Variants in CNTN5 observed in about 807,000 individuals in gnomAD.
CNTN5 encodes contactin-5.
A neutral mutation model predicts 129.1 loss-of-function variants in CNTN5; 77 were observed. That is an observed-to-expected ratio of 0.60 (90% confidence interval 0.50 to 0.72). The LOEUF is 0.72. Among genes scored for constraint, CNTN5 ranks in the 30% least tolerant of loss-of-function variants. The probability of loss-of-function intolerance (pLI) is 0.00; values close to 1 mark genes in which losing one functional copy is unlikely to be tolerated. For missense variants in CNTN5, 1,478 were observed against 1,328.8 expected (o/e 1.11, Z -1.75); for synonymous variants, 509 against 465.6 (o/e 1.09, Z -1.20).
chr11:99,237,644 G>C (rs1861346372), intron 1 of CNTN5, among the ~76,000 whole-genome samples: 1 of 151,430 alleles, frequency 6.6e-6, no homozygotes, highest in Admixed American at 6.6e-5. Flanking sequence ...TCGTGCCACC[G>C]CACCCCAGCC....
intron 3 of CNTN5, among the ~76,000 whole-genome samples, chr11:99,618,890 G>GTTT (rs1950841983): frequency 6.6e-6 from 1 of 151,994 alleles, no homozygotes; most frequent in East Asian, 1.9e-4. Context: ...AATTTAAAGA[G>GTTT]AATATCTAGG....
intron 15 of CNTN5, among the ~76,000 whole-genome samples, chr11:100,195,204 CT>C (rs1948605067): frequency 6.6e-6 from 1 of 151,900 alleles, no homozygotes; most frequent in Admixed American, 6.6e-5. Flanking sequence ...AAAATATCTT[CT>C]TAGGATTGTC....
At position 99,699,808 on chromosome 11, in the gene CNTN5, T is replaced by C. The variant is rs532282495; in HGVS notation, c.56-119736T>C. The stretch of plus-strand genomic sequence containing the variant: ...CCTTTTCTCTTATTCCTGTGGCCTT[T>C]ATTTATAAATCTAGCTACTTTATTT... On this transcript the variant is annotated intron_variant, in intron 3 of 24. Coordinates refer to ENST00000524871, the MANE Select transcript of CNTN5 (RefSeq NM_014361.4). Among the ~76,000 whole-genome samples the C allele has an allele frequency of 7.3e-5, 11 of 151,564 alleles. No homozygotes were observed. The South Asian group carries it at 1.9e-3, about 26-fold the overall frequency.
intron 16 of CNTN5, among the ~76,000 whole-genome samples, chr11:100,248,891 T>C: frequency 6.6e-6 from 1 of 152,154 alleles, no homozygotes; most frequent in Non-Finnish European, 1.5e-5. Context: ...AATACACAAC[T>C]TTCTGTTTGT....
At chr11:99,497,250 A>G (rs949007401) in intron 2 of CNTN5, among the ~76,000 whole-genome samples, 3 of 152,236 alleles carry the variant, frequency 2.0e-5, no homozygotes, top group Non-Finnish European at 4.4e-5. Context: ...CAGGTTATTT[A>G]GTAAACCCGT....
chr11:100,110,113 G>A (rs1239828502), intron 13 of CNTN5, among the ~76,000 whole-genome samples: 2 of 151,672 alleles, frequency 1.3e-5, no homozygotes, highest in Non-Finnish European at 2.9e-5. Context: ...CTTGAGCCCA[G>A]TGGGTGGAGG....
intron 1 of CNTN5, among the ~76,000 whole-genome samples, chr11:99,057,002 G>A (rs1221000476): frequency 2.0e-5 from 3 of 151,918 alleles, no homozygotes; most frequent in Non-Finnish European, 2.9e-5. Flanking sequence ...TGGAATACAA[G>A]GTAAATTATG....
chr11:99,365,678 A>C (rs1399137096), intron 2 of CNTN5, among the ~76,000 whole-genome samples: 1 of 152,182 alleles, frequency 6.6e-6, no homozygotes, highest in Non-Finnish European at 1.5e-5. Flanking sequence ...CAGTAACTTT[A>C]ACTTCTTAAG....
intron 3 of CNTN5, among the ~76,000 whole-genome samples, chr11:99,595,614 G>A (rs1950102164): frequency 6.6e-6 from 1 of 152,062 alleles, no homozygotes; most frequent in Non-Finnish European, 1.5e-5. Context: ...AAGCCATAAA[G>A]CACACAGTTT....
chr11:99,659,524 A>C (rs1239586305), intron 3 of CNTN5, among the ~76,000 whole-genome samples: 2 of 152,196 alleles, frequency 1.3e-5, no homozygotes, highest in African/African-American at 4.8e-5. Flanking sequence ...GTATATAGAC[A>C]GATTTATTAT....
At chr11:99,355,161 T>C (rs555747348) in intron 2 of CNTN5, among the ~76,000 whole-genome samples, 7 of 152,234 alleles carry the variant, frequency 4.6e-5, no homozygotes, top group Non-Finnish European at 1.0e-4. Flanking sequence ...TTCCATTGAT[T>C]GTAACATGTT....
chr11:100,127,095 A>ATTT lies in CNTN5; in HGVS notation c.1580+52826_1580+52828dup, dbSNP rs5794039. On this transcript the variant is annotated intron_variant, in intron 13 of 24. Coordinates refer to ENST00000524871, the MANE Select transcript of CNTN5 (RefSeq NM_014361.4). ...AGGTGCACACCACCATGCGCAGCTA[A>ATTT]TTTTTTTTTTTTTTTTTTTTTTTTT... 1.2e-3 allele frequency among the ~76,000 whole-genome samples: 99 copies of ATTT among 85,624 alleles called. 1 individual carries two copies. The highest frequency in any genetic ancestry group is 3.9e-3 in the African/African-American group (85 of 22,006). The allele number at this position is 85,624 out of a possible 152,430, so 56.2% of individuals were successfully genotyped here.
chr11:99,450,701 C>G (rs1018482470), intron 2 of CNTN5, among the ~76,000 whole-genome samples: 2 of 150,420 alleles, frequency 1.3e-5, no homozygotes, highest in African/African-American at 4.9e-5. Flanking sequence ...AGTATGAGAG[C>G]TGAAACAAGA....
intron 2 of CNTN5, among the ~76,000 whole-genome samples, chr11:99,491,026 T>C (rs1177357161): frequency 6.6e-6 from 1 of 152,050 alleles, no homozygotes; most frequent in Admixed American, 6.6e-5. Context: ...GGAAGAATAC[T>C]ATATTCCAGA....
At chr11:99,590,136 A>G (rs929709519) in intron 3 of CNTN5, among the ~76,000 whole-genome samples, 12 of 152,212 alleles carry the variant, frequency 7.9e-5, no homozygotes, top group Admixed American at 2.6e-4. Flanking sequence ...AGAGAAATTC[A>G]GTGAATGCAG....
intron 7 of CNTN5, among the ~76,000 whole-genome samples, chr11:99,947,092 A>AT (rs59666694): frequency 0.13 from 19,339 of 151,592 alleles, 2,245 homozygotes; most frequent in African/African-American, 0.31. Flanking sequence ...AAACATGATT[A>AT]TAAAAATTAA....
At chr11:99,321,892 G>T (rs1009242526) in intron 1 of CNTN5, among the ~76,000 whole-genome samples, 3 of 152,102 alleles carry the variant, frequency 2.0e-5, no homozygotes, top group Non-Finnish European at 4.4e-5. Context: ...TGGCCACATT[G>T]TTAATGTGTC....
At chr11:100,291,277 T>A (rs562276445) in intron 18 of CNTN5, among the ~76,000 whole-genome samples, 1 of 152,106 alleles carries the variant, frequency 6.6e-6, no homozygotes, top group Admixed American at 6.5e-5. Context: ...CAATGGACTA[T>A]AAATCATGCT....
chr11:99,592,001 C>A (rs1268005047), intron 3 of CNTN5, among the ~76,000 whole-genome samples: 2 of 152,096 alleles, frequency 1.3e-5, no homozygotes, highest in Non-Finnish European at 2.9e-5. Flanking sequence ...TAAGTTTTTG[C>A]CTTGAGCAGC....
Sources: gnomAD v4.1 joint callset for allele counts (sites outside exome capture counted in the v4.1 genomes callset) on GRCh38, gnomAD v4.1.1 for gene constraint, MANE v1.5 for transcripts, NCBI Gene and HGNC (gene_info 2026-07-23, HGNC 2026-07-21) for gene names.